The following AOPEP variants were observed in gnomAD, a reference collection of about 807,000 sequenced individuals.
The protein encoded by AOPEP is aminopeptidase O.
In AOPEP, 77 loss-of-function variants were observed where a neutral mutation model predicts 98.1. The observed-to-expected ratio is 0.78, with a 90% CI of 0.65 to 0.95. AOPEP has a LOEUF of 0.95. Ranked by LOEUF, AOPEP falls within the 40% of genes least tolerant of loss-of-function variation. The pLI is 0.00. For missense variants in AOPEP, 1,024 were observed against 1,024.7 expected (o/e 1.00, Z 0.01); for synonymous variants, 346 against 365.3 (o/e 0.95, Z 0.60).
At chr9:94,728,239 G>GCACACACA (rs78505500) in intron 1 of AOPEP, among the ~76,000 whole-genome samples, 8,481 of 146,536 alleles carry the variant, frequency 0.058, 566 homozygotes, top group African/African-American at 0.17. Flanking sequence ...GTGCGCGCAT[G>GCACACACA]CACACACACA....
chr9:94,751,627 A>G (rs1383515074), intron 1 of AOPEP, among the ~76,000 whole-genome samples: 1 of 152,160 alleles, frequency 6.6e-6, no homozygotes, highest in Non-Finnish European at 1.5e-5. Context: ...TTCTTTGCAC[A>G]TATTGTTAAC....
chr9:95,069,754 T>C (rs962304086), intron 14 of AOPEP, among the ~76,000 whole-genome samples: 14 of 152,252 alleles, frequency 9.2e-5, no homozygotes, highest in Admixed American at 2.6e-4. Flanking sequence ...ATGATCTCCA[T>C]GTGCATGTCG....
intron 14 of AOPEP, among the ~76,000 whole-genome samples, chr9:95,070,263 A>G (rs752572206): frequency 5.9e-5 from 9 of 152,252 alleles, no homozygotes; most frequent in Non-Finnish European, 1.2e-4. Context: ...ATTTAAGGAC[A>G]CAAATTGACA....
rs1383667081 is a variant in AOPEP, at chr9:94,979,435, A to C, written c.1977+8A>C. Reference sequence around the variant, plus strand: ...AGTTCCGGAATACCAAAGGTAACTCAAGATAACCACTTTGGTAGAATCCAT... The same window carrying C: ...AGTTCCGGAATACCAAAGGTAACTCCAGATAACCACTTTGGTAGAATCCAT... On this transcript the variant is annotated splice_region_variant and intron_variant, in intron 11 of 16. Transcript: ENST00000375315. 6.3e-7 allele frequency: 1 copy of C among 1,580,246 alleles called. No homozygotes were observed. Among genetic ancestry groups the C allele is most frequent in the African/African-American group, 1.3e-5 (1 of 74,530 alleles).
chr9:94,991,531 C>T (rs1427939653), intron 11 of AOPEP, among the ~76,000 whole-genome samples: 3 of 152,202 alleles, frequency 2.0e-5, no homozygotes, highest in Non-Finnish European at 4.4e-5. Flanking sequence ...AAGTCTTCAG[C>T]CCATCAGACT....
chr9:94,979,498 T>G (rs1269680130), intron 11 of AOPEP, 71 bp downstream of exon 11: 1 of 912,320 alleles, frequency 1.1e-6, no homozygotes, highest in Non-Finnish European at 1.8e-6. Context: ...ACATCAATCA[T>G]GACAGTGATT....
At chr9:94,823,548 A>G (rs1031584285) in intron 5 of AOPEP, among the ~76,000 whole-genome samples, 1 of 152,114 alleles carries the variant, frequency 6.6e-6, no homozygotes, top group Non-Finnish European at 1.5e-5. Context: ...CATCTAATGA[A>G]GTCTCTTAAC....
intron 2 of AOPEP, among the ~76,000 whole-genome samples, chr9:94,766,277 G>A (rs566471445): frequency 1.5e-3 from 231 of 152,294 alleles, no homozygotes; most frequent in Non-Finnish European, 1.8e-3. Flanking sequence ...AGCGGCTCAC[G>A]CGTGTAATCC....
intron 4 of AOPEP, among the ~76,000 whole-genome samples, chr9:94,799,590 C>T (rs1300537463): frequency 2.0e-5 from 3 of 151,948 alleles, no homozygotes; most frequent in Admixed American, 1.3e-4. Context: ...AGGCCGGTTG[C>T]GGTGGTTCAA....
At chr9:95,143,062 G>T in the AOPEP span, among the ~76,000 whole-genome samples, 1 of 152,148 alleles carries the variant, frequency 6.6e-6, no homozygotes, top group Non-Finnish European at 1.5e-5. Context: ...TATAAAATCA[G>T]AGGTTCCAAT....
chr9:94,854,904 G>A (rs1242273226), intron 5 of AOPEP, among the ~76,000 whole-genome samples: 2 of 152,082 alleles, frequency 1.3e-5, no homozygotes, highest in Non-Finnish European at 2.9e-5. Flanking sequence ...GAAACAAAAA[G>A]TAAGAAAATG....
At chr9:94,998,399 G>A (rs1258535578) in intron 11 of AOPEP, among the ~76,000 whole-genome samples, 5 of 152,186 alleles carry the variant, frequency 3.3e-5, no homozygotes, top group African/African-American at 1.2e-4. Context: ...CAGTTCTGTA[G>A]GTAATTGCCA....
intron 1 of AOPEP, among the ~76,000 whole-genome samples, chr9:94,732,495 GA>G (rs1830786599): frequency 6.6e-6 from 1 of 152,166 alleles, no homozygotes; most frequent in South Asian, 2.1e-4. Flanking sequence ...TAGTCTATTT[GA>G]TAGGGTATAA....
chr9:94,979,859 T>C (rs2060074311), intron 11 of AOPEP, among the ~76,000 whole-genome samples: 1 of 152,184 alleles, frequency 6.6e-6, no homozygotes, highest in Non-Finnish European at 1.5e-5. Context: ...GCCGCCGTCG[T>C]CTGTCCTGCC....
intron 7 of AOPEP, among the ~76,000 whole-genome samples, chr9:94,934,315 C>A: frequency 8.6e-6 from 1 of 116,732 alleles, no homozygotes; most frequent in East Asian, 2.6e-4. Context: ...CTTCTCCCAT[C>A]TTTTTTTTTT....
rs527615953 is a variant in AOPEP at position 94,758,195 on chromosome 9, G to A, written c.-135-1454G>A. 7.1e-4 allele frequency among the ~76,000 whole-genome samples: 108 copies of A among 152,338 alleles called. 2 individuals are homozygous for A. Among genetic ancestry groups the A allele is most frequent in the Admixed American group, 2.5e-3 (39 of 15,304 alleles). ...TGGAGGTGGAAGGCAGGAGCCAGGA[G>A]CGCTCCAGGTCTAGCACATGGGTTA... On this transcript the variant is annotated intron_variant, in intron 1 of 16. Transcript: ENST00000375315.
chr9:94,943,194 A>G (rs1049570179), intron 7 of AOPEP, among the ~76,000 whole-genome samples: 1 of 152,216 alleles, frequency 6.6e-6, no homozygotes, highest in Non-Finnish European at 1.5e-5. Context: ...AACCTACAGA[A>G]TGGGAGGTAA....
At chr9:94,984,229 T>C (rs971744851) in intron 11 of AOPEP, among the ~76,000 whole-genome samples, 4 of 152,062 alleles carry the variant, frequency 2.6e-5, no homozygotes, top group Non-Finnish European at 5.9e-5. Flanking sequence ...GAGACGGGGT[T>C]TCACCGTGTT....
At chr9:95,020,604 A>G (rs915237306) in intron 13 of AOPEP, among the ~76,000 whole-genome samples, 4 of 151,862 alleles carry the variant, frequency 2.6e-5, no homozygotes, top group Admixed American at 6.6e-5. Context: ...GTGACATGAC[A>G]GTATTATTTA....
Sources: gnomAD v4.1 joint callset for allele counts (sites outside exome capture counted in the v4.1 genomes callset) on GRCh38, gnomAD v4.1.1 for gene constraint, MANE v1.5 for transcripts, NCBI Gene and HGNC (gene_info 2026-07-23, HGNC 2026-07-21) for gene names.